Variants in CCSER1 observed in about 807,000 individuals in gnomAD.
The protein encoded by CCSER1 is serine-rich coiled-coil domain-containing protein 1.
CCSER1 carries 41 observed loss-of-function variants against 82.0 expected under a neutral mutation model. That is an observed-to-expected ratio of 0.50 (90% CI 0.39 to 0.65). The LOEUF (loss-of-function observed/expected upper bound fraction) is 0.65. Among genes scored for constraint, CCSER1 ranks in the 30% least tolerant of loss-of-function variants. The probability of loss-of-function intolerance (pLI) is 0.00; values close to 1 mark genes in which losing one functional copy is unlikely to be tolerated. For synonymous variants in CCSER1, 414 were observed against 383.9 expected, an observed-to-expected ratio of 1.08 and a Z score of -0.92; for missense variants, 1,119 against 1,064.2, an observed-to-expected ratio of 1.05 and a Z score of -0.72.
At chr4:91,370,755 C>T (rs759090151) in intron 10 of CCSER1, among the ~76,000 whole-genome samples, 38 of 151,968 alleles carry the variant, frequency 2.5e-4, no homozygotes, top group Middle Eastern at 3.4e-3. Context: ...TATATTTATG[C>T]GGCACATGAG....
intron 10 of CCSER1, among the ~76,000 whole-genome samples, chr4:91,583,611 T>G (rs752727235): frequency 6.6e-6 from 1 of 151,556 alleles, no homozygotes; most frequent in Non-Finnish European, 1.5e-5. Context: ...TATGCAATAA[T>G]TGACTTCTAA....
intron 10 of CCSER1, among the ~76,000 whole-genome samples, chr4:91,151,128 T>C (rs1730145836): frequency 6.6e-6 from 1 of 152,196 alleles, no homozygotes; most frequent in Non-Finnish European, 1.5e-5. Flanking sequence ...AGGCTATTAA[T>C]TATTGCCTCA....
At chr4:90,208,236 A>G (rs1332067125) in intron 1 of CCSER1, among the ~76,000 whole-genome samples, 1 of 152,168 alleles carries the variant, frequency 6.6e-6, no homozygotes, top group Non-Finnish European at 1.5e-5. Context: ...GTCTGGCTAC[A>G]GTGGTTTTGT....
intron 8 of CCSER1, among the ~76,000 whole-genome samples, chr4:90,826,564 T>G (rs1220694719): frequency 1.3e-5 from 2 of 152,198 alleles, no homozygotes; most frequent in Non-Finnish European, 2.9e-5. Context: ...TGCCTTTACT[T>G]TTTATAATAC....
intron 7 of CCSER1, among the ~76,000 whole-genome samples, chr4:90,746,644 T>TC (rs138972833): frequency 0.011 from 1,638 of 152,320 alleles, 31 homozygotes; most frequent in African/African-American, 0.037. Flanking sequence ...GCTGCTGCCT[T>TC]AGCTGGTATT....
chr4:90,202,351 C>T (rs534848436), intron 1 of CCSER1, among the ~76,000 whole-genome samples: 2 of 152,082 alleles, frequency 1.3e-5, no homozygotes, highest in South Asian at 2.1e-4. Context: ...TACAGGCACC[C>T]GTCACCATGC....
At chr4:91,561,478 G>C (rs1457298040) in intron 10 of CCSER1, among the ~76,000 whole-genome samples, 1 of 151,422 alleles carries the variant, frequency 6.6e-6, no homozygotes, top group Non-Finnish European at 1.5e-5. Flanking sequence ...TCACTAGTCA[G>C]TGAGATTATC....
At chr4:90,546,850 A>C (rs1222228007) in intron 5 of CCSER1, among the ~76,000 whole-genome samples, 5 of 152,118 alleles carry the variant, frequency 3.3e-5, no homozygotes, top group Admixed American at 1.3e-4. Context: ...GCAAATAGTC[A>C]TTCTTTTTCA....
chr4:91,391,212 G>T lies in CCSER1; in HGVS notation c.2218-207360G>T, dbSNP rs531365581. Among the ~76,000 whole-genome samples the T allele has an allele frequency of 7.9e-5, 12 of 151,920 alleles. 1 individual carries two copies. The highest frequency in any genetic ancestry group is 1.8e-4 in the Non-Finnish European group (12 of 67,978). The stretch of plus-strand genomic sequence containing the variant: ...TATAAATTCTCCTCTAACCACTGCT[G>T]CATTGCATTCTAAAAAATTTAATAA... On this transcript the variant is annotated intron_variant, in intron 10 of 10. Coordinates refer to ENST00000509176, the MANE Select transcript of CCSER1 (RefSeq NM_001145065.2).
At chr4:90,647,946 C>T (rs916443090) in intron 6 of CCSER1, among the ~76,000 whole-genome samples, 3 of 152,002 alleles carry the variant, frequency 2.0e-5, no homozygotes, top group Non-Finnish European at 2.9e-5. Flanking sequence ...TGCTTAACAT[C>T]TCAGTGGGGA....
At chr4:91,373,115 C>A (rs1473295631) in intron 10 of CCSER1, among the ~76,000 whole-genome samples, 2 of 150,884 alleles carry the variant, frequency 1.3e-5, no homozygotes, top group African/African-American at 4.9e-5. Context: ...CTATTTGGAA[C>A]TTTATATTAA....
intron 1 of CCSER1, among the ~76,000 whole-genome samples, chr4:90,249,437 T>C (rs556644054): frequency 6.6e-6 from 1 of 152,314 alleles, no homozygotes; most frequent in East Asian, 1.9e-4. Context: ...GAGTAAATTT[T>C]AAACCATTTT....
At chr4:91,313,219 AT>A (rs1745610771) in intron 10 of CCSER1, among the ~76,000 whole-genome samples, 1 of 151,844 alleles carries the variant, frequency 6.6e-6, no homozygotes, top group Non-Finnish European at 1.5e-5. Flanking sequence ...TTCAATTAAT[AT>A]TTTTATATAA....
intron 5 of CCSER1, among the ~76,000 whole-genome samples, chr4:90,602,061 T>G (rs1303996640): frequency 6.6e-6 from 1 of 152,144 alleles, no homozygotes; most frequent in Non-Finnish European, 1.5e-5. Flanking sequence ...TGGTAGGTGT[T>G]GTTCTAGTCT....
intron 9 of CCSER1, among the ~76,000 whole-genome samples, chr4:91,004,245 G>A (rs939865741): frequency 5.3e-5 from 8 of 152,090 alleles, no homozygotes; most frequent in East Asian, 3.9e-4. Context: ...CCAGTCCACC[G>A]TAATGTTCCC....
rs1765134794 is a variant in CCSER1 at position 90,861,919 on chromosome 4, T to C, written c.2094+46074T>C. On this transcript the variant is annotated intron_variant, in intron 8 of 10. Transcript: ENST00000509176. ...ATATGATGACTCATATATATATATA[T>C]ATATATATTTTTTTTTTCTGTTAGA... is the stretch of plus-strand genomic sequence containing the variant. Among the ~76,000 whole-genome samples the C allele has an allele frequency of 4.0e-5, 5 of 123,558 alleles. 1 individual carries two copies. Among genetic ancestry groups the C allele is most frequent in the Admixed American group, 1.7e-4 (2 of 12,008 alleles). 81.1% of individuals were successfully genotyped at this position (123,558 alleles called of 152,430 possible).
chr4:90,933,827 C>T (rs527553548), intron 9 of CCSER1, among the ~76,000 whole-genome samples: 95 of 151,706 alleles, frequency 6.3e-4, no homozygotes, highest in African/African-American at 2.1e-3. Context: ...TATTATTTTA[C>T]TGTAATGTTA....
intron 7 of CCSER1, among the ~76,000 whole-genome samples, chr4:90,732,744 T>C (rs1338490564): frequency 2.0e-5 from 3 of 152,170 alleles, no homozygotes; most frequent in African/African-American, 7.2e-5. Context: ...TCAGTTTAAT[T>C]ATTGTAATAT....
At chr4:91,144,438 A>G (rs1285505979) in intron 10 of CCSER1, among the ~76,000 whole-genome samples, 1 of 151,380 alleles carries the variant, frequency 6.6e-6, no homozygotes, top group East Asian at 1.9e-4. Flanking sequence ...CTTTTGTATG[A>G]ATTTTTGGGT....
Sources: allele counts gnomAD v4.1 joint callset (sites outside exome capture counted in the v4.1 genomes callset), GRCh38; gene constraint gnomAD v4.1.1; transcripts MANE v1.5; gene names NCBI Gene and HGNC (gene_info 2026-07-23, HGNC 2026-07-21).